INO80: variants seen among roughly 807,000 people sequenced by gnomAD.
INO80 encodes the protein chromatin-remodeling ATPase INO80.
In INO80, 20 loss-of-function variants were observed where a neutral mutation model predicts 203.4. The ratio of observed to expected loss-of-function variants is 0.10; its 90% CI spans 0.07 to 0.14. The LOEUF (loss-of-function observed/expected upper bound fraction) is 0.14, where lower values mean the gene tolerates loss of function less well. INO80 is among the 10% of genes least tolerant of loss of function. The probability of loss-of-function intolerance (pLI) is 1.00; values close to 1 mark genes in which losing one functional copy is unlikely to be tolerated. For synonymous variants in INO80, 726 were observed against 685.2 expected (o/e 1.06, Z -0.93); for missense variants, 1,419 against 1,914.4 (o/e 0.74, Z 4.83).
In INO80 at chr15:41,085,373, G is replaced by C; in HGVS notation, c.869C>G (p.Pro290Arg). 1 of 1,613,726 alleles carries C rather than the reference G, an allele frequency of 6.2e-7. No homozygotes were observed. Among genetic ancestry groups the C allele is most frequent in the Non-Finnish European group, 8.5e-7 (1 of 1,179,692 alleles). ...VWLSIVKKEL[P>R]KANKQKASAR... ...CTCCTGGAGGCATTCACTTACCTTT[G>C]GTAGTTCCTTTTTCACAATGCTGAG... The change falls in exon 7 of 36, where the codon CCA (proline) becomes CGA (arginine). Residue 290 changes from proline to arginine, a missense_variant. Pro to Arg is a moderately radical substitution (Grantham distance 103). Coordinates refer to ENST00000648947, the MANE Select transcript of INO80 (RefSeq NM_017553.3).
chr15:41,031,948 C>G (rs900501901), intron 24 of INO80, among the ~76,000 whole-genome samples: 7 of 82,132 alleles, frequency 8.5e-5, no homozygotes, highest in African/African-American at 2.3e-4. Context: ...CACAGCACAG[C>G]ACAGCACAGC....
At chr15:41,002,044 T>A (rs1950975470) in intron 28 of INO80, among the ~76,000 whole-genome samples, 1 of 152,192 alleles carries the variant, frequency 6.6e-6, no homozygotes, top group African/African-American at 2.4e-5. Flanking sequence ...ATAGATTACT[T>A]CTTTGCCATA....
intron 11 of INO80, among the ~76,000 whole-genome samples, chr15:41,072,787 C>CTT (rs111334701): frequency 3.0e-4 from 44 of 145,990 alleles, no homozygotes; most frequent in East Asian, 8.0e-4. Context: ...TGGTCTTTTT[C>CTT]TTTTTTTTTT....
At chr15:41,094,635 G>A (rs2045693798) in intron 4 of INO80, among the ~76,000 whole-genome samples, 1 of 152,072 alleles carries the variant, frequency 6.6e-6, no homozygotes, top group Admixed American at 6.5e-5. Flanking sequence ...TGGAAGTTAT[G>A]GAATTAATAT....
chr15:41,018,224 A>C (rs1247959393), intron 26 of INO80: 1 of 152,080 alleles, frequency 6.6e-6, no homozygotes, highest in Non-Finnish European at 1.5e-5. Flanking sequence ...TTCTCCATTT[A>C]GATATACTCT....
chr15:40,986,796 T>G (rs766006151), intron 31 of INO80, among the ~76,000 whole-genome samples: 9 of 152,100 alleles, frequency 5.9e-5, no homozygotes, highest in Non-Finnish European at 1.0e-4. Flanking sequence ...CAACTAATTT[T>G]TTGTATTTTT....
Position 41,095,676 on chromosome 15 carries a change from A to G in INO80, c.314-8T>C. The G allele has an allele frequency of 6.2e-7, 1 of 1,606,836 alleles. No homozygotes were observed. Among genetic ancestry groups the G allele is most frequent in the East Asian group, 2.2e-5 (1 of 44,846 alleles). On this transcript the variant is annotated splice_region_variant and splice_polypyrimidine_tract_variant and intron_variant, in intron 3 of 35. Transcript: ENST00000648947. ...CCTTATCACATTTTGATTCTGTATA[A>G]AGAAACACAAAGAATAAAAAAATTA...
At chr15:41,088,078 C>T (rs2045586537) in intron 5 of INO80, among the ~76,000 whole-genome samples, 1 of 146,006 alleles carries the variant, frequency 6.8e-6, no homozygotes, top group African/African-American at 2.6e-5. Context: ...GTTCCTCATG[C>T]TTGCTTTTCT....
At chr15:41,078,177 C>T (rs563382292) in intron 9 of INO80, among the ~76,000 whole-genome samples, 13 of 152,186 alleles carry the variant, frequency 8.5e-5, no homozygotes, top group South Asian at 2.1e-4. Flanking sequence ...AGATTACAGA[C>T]GTGAGCCACC....
At chr15:41,037,898 G>T (rs929087675) in intron 24 of INO80, among the ~76,000 whole-genome samples, 1 of 151,474 alleles carries the variant, frequency 6.6e-6, no homozygotes, top group Non-Finnish European at 1.5e-5. Flanking sequence ...AGCCAAGATT[G>T]TGCCACTGCA....
rs1048041233 is a variant in INO80 at position 41,074,254 on chromosome 15, T to C, written c.1327+116A>G. 4 of 602,184 alleles carry C rather than the reference T, an allele frequency of 6.6e-6. No individual in the cohort carries two copies. In the Admixed American group the frequency reaches 9.3e-5, roughly 14 times the overall value. 37.3% of individuals were successfully genotyped at this position (602,184 alleles called of 1,614,324 possible). A position where few individuals can be genotyped will look rare whatever the true frequency, so the allele number is the denominator to read the frequency against. The stretch of plus-strand genomic sequence containing the variant: ...TCCCTACTCCAGTACAATAAATCTC[T>C]CTTTTCTGGTAAATTACCTATGAAT... On this transcript the variant is annotated intron_variant, in intron 10 of 35. Coordinates refer to ENST00000648947, the MANE Select transcript of INO80 (RefSeq NM_017553.3).
At position 41,066,448 on chromosome 15, in the gene INO80, G is replaced by T. The variant is rs547229252; in HGVS notation, c.1782+3122C>A. 4.6e-5 allele frequency among the ~76,000 whole-genome samples: 7 copies of T among 151,992 alleles called. No homozygotes were observed. The South Asian group carries it at 1.2e-3, about 27-fold the overall frequency. Reference sequence around the variant, plus strand: ...CTGGGATTACAGGCATGACCCACCAGGCCCAGCCCATTTTTAAATAGTTAA... The same window carrying T: ...CTGGGATTACAGGCATGACCCACCATGCCCAGCCCATTTTTAAATAGTTAA... On this transcript the variant is annotated intron_variant, in intron 14 of 35. Transcript: ENST00000648947.
intron 14 of INO80, among the ~76,000 whole-genome samples, chr15:41,061,557 A>G (rs765318182): frequency 6.6e-6 from 1 of 151,702 alleles, no homozygotes; most frequent in Non-Finnish European, 1.5e-5. Context: ...CAGGAAGCAG[A>G]AGTTGCAGTG....
At chr15:41,090,925 C>CTT (rs60647460) in intron 5 of INO80, among the ~76,000 whole-genome samples, 2,898 of 124,474 alleles carry the variant, frequency 0.023, 180 homozygotes, top group African/African-American at 0.086. Context: ...TTTAGAAATT[C>CTT]TTTTTTTTTT....
intron 1 of INO80, among the ~76,000 whole-genome samples, chr15:41,102,456 C>G (rs956176331): frequency 3.9e-5 from 6 of 152,114 alleles, no homozygotes. Flanking sequence ...CACCTGAGAT[C>G]AGGAGTTCGA....
chr15:41,014,585 C>T (rs918555831), intron 27 of INO80, among the ~76,000 whole-genome samples: 2 of 152,208 alleles, frequency 1.3e-5, no homozygotes, highest in Non-Finnish European at 2.9e-5. Context: ...CTCATAAGCA[C>T]TTCCATCATT....
At chr15:41,047,530 A>C in intron 22 of INO80, 29 bp from the exon 23 acceptor site, 1 of 1,469,118 alleles carries the variant, frequency 6.8e-7, no homozygotes, top group Non-Finnish European at 9.5e-7. Context: ...TTTGAAACCC[A>C]ACAGCAAACC....
At position 40,984,057 on chromosome 15, in the gene INO80, C is replaced by T; in HGVS notation, c.4078-136G>A. The T allele has an allele frequency of 4.5e-6, 6 of 1,330,334 alleles. No individual in the cohort carries two copies. The South Asian group carries it at 5.4e-5, about 12-fold the overall frequency. The allele number at this position is 1,330,334 out of a possible 1,614,324, so 82.4% of individuals were successfully genotyped here. ...CCAACCTGTCCTCATTTGTTTTTCT[C>T]CTTACAGACCTCATGTGCAACCTAC... is the stretch of plus-strand genomic sequence containing the variant. On this transcript the variant is annotated intron_variant, in intron 33 of 35. Coordinates refer to ENST00000648947, the MANE Select transcript of INO80 (RefSeq NM_017553.3).
At chr15:41,040,517 C>T (rs182006445) in intron 24 of INO80, among the ~76,000 whole-genome samples, 23 of 152,244 alleles carry the variant, frequency 1.5e-4, no homozygotes, top group African/African-American at 3.1e-4. Context: ...ATTATCTTCG[C>T]GAATTTGTTG....
Sources: allele counts gnomAD v4.1 joint callset (sites outside exome capture counted in the v4.1 genomes callset), GRCh38; gene constraint gnomAD v4.1.1; transcripts MANE v1.5; gene names NCBI Gene and HGNC (gene_info 2026-07-23, HGNC 2026-07-21).